Variants in ZMIZ1 observed in about 807,000 individuals in gnomAD.
ZMIZ1 encodes zinc finger MIZ domain-containing protein 1.
ZMIZ1 carries 17 observed loss-of-function variants against 113.9 expected under a neutral mutation model. The observed-to-expected ratio is 0.15, with a 90% CI of 0.10 to 0.22. The LOEUF (loss-of-function observed/expected upper bound fraction) is 0.22, where lower values mean the gene tolerates loss of function less well. Ranked by LOEUF, ZMIZ1 falls within the 10% of genes least tolerant of loss-of-function variation. ZMIZ1 has a pLI of 1.00. For missense variants in ZMIZ1, 1,059 were observed against 1,477.8 expected, an observed-to-expected ratio of 0.72 and a Z score of 4.65; for synonymous variants, 607 against 603.1, an observed-to-expected ratio of 1.01 and a Z score of -0.09.
At chr10:79,133,555 C>T (rs1844863738) in intron 2 of ZMIZ1, among the ~76,000 whole-genome samples, 2 of 152,208 alleles carry the variant, frequency 1.3e-5, no homozygotes, top group Non-Finnish European at 2.9e-5. Flanking sequence ...CCCAGCCCCT[C>T]ATACTGCCCT....
intron 7 of ZMIZ1, among the ~76,000 whole-genome samples, chr10:79,244,414 G>A (rs1850071352): frequency 6.6e-6 from 1 of 152,244 alleles, no homozygotes; most frequent in South Asian, 2.1e-4. Context: ...CTGGGGTCCT[G>A]AGCATGTGGT....
At chr10:79,179,348 T>G (rs1847011594) in intron 4 of ZMIZ1, among the ~76,000 whole-genome samples, 1 of 152,226 alleles carries the variant, frequency 6.6e-6, no homozygotes, top group African/African-American at 2.4e-5. Flanking sequence ...GCCACTCAGA[T>G]GGGACCTAGT....
chr10:79,128,612 A>G (rs1811107233), intron 2 of ZMIZ1, among the ~76,000 whole-genome samples: 1 of 132 alleles, frequency 7.6e-3, no homozygotes, highest in Non-Finnish European at 0.016. Flanking sequence ...AGACCCTGGA[A>G]CTCAATAAAT....
intron 6 of ZMIZ1, among the ~76,000 whole-genome samples, chr10:79,214,774 G>A (rs1848654931): frequency 6.6e-6 from 1 of 152,170 alleles, no homozygotes; most frequent in African/African-American, 2.4e-5. Flanking sequence ...AGCCACTCCA[G>A]CTGCTTTCTA....
At chr10:79,079,891 C>T (rs1564638464) in intron 1 of ZMIZ1, among the ~76,000 whole-genome samples, 1 of 152,346 alleles carries the variant, frequency 6.6e-6, no homozygotes, top group East Asian at 1.9e-4. Context: ...CTGCAGGCTG[C>T]ATTTTGTGGG....
At chr10:79,198,092 T>C (rs1438705285) in intron 4 of ZMIZ1, among the ~76,000 whole-genome samples, 1 of 152,090 alleles carries the variant, frequency 6.6e-6, no homozygotes, top group Non-Finnish European at 1.5e-5. Context: ...ACCCCATCTC[T>C]ACTAAAAATA....
chr10:79,138,085 C>G (rs1196464596), intron 2 of ZMIZ1, among the ~76,000 whole-genome samples: 1 of 152,216 alleles, frequency 6.6e-6, no homozygotes, highest in Non-Finnish European at 1.5e-5. Context: ...GGCACTGGGC[C>G]AGGGGCCCAG....
At chr10:79,121,442 T>C (rs1240346805) in intron 2 of ZMIZ1, among the ~76,000 whole-genome samples, 3 of 152,244 alleles carry the variant, frequency 2.0e-5, no homozygotes, top group Non-Finnish European at 4.4e-5. Flanking sequence ...TTCCCAGGCA[T>C]ACCTGCCATT....
chr10:79,216,084 C>A (rs1394273013), intron 6 of ZMIZ1, 85 bp from the exon 7 acceptor site: 2 of 976,944 alleles, frequency 2.0e-6, no homozygotes, highest in East Asian at 3.2e-5. Flanking sequence ...AGCTTGCCCA[C>A]CTCACCCACT....
chr10:79,293,988 A>C, intron 12 of ZMIZ1: 1 of 410,618 alleles, frequency 2.4e-6, no homozygotes, highest in Non-Finnish European at 4.6e-6. Context: ...TCAGCCACTA[A>C]CTGGGTGACC....
intron 7 of ZMIZ1, among the ~76,000 whole-genome samples, chr10:79,234,436 G>T (rs1381949085): frequency 1.3e-5 from 2 of 152,142 alleles, no homozygotes; most frequent in East Asian, 1.9e-4. Context: ...CTTAACTTTG[G>T]ATTTCATTCT....
chr10:79,112,146 G>A (rs749980537), intron 1 of ZMIZ1, among the ~76,000 whole-genome samples: 14 of 152,224 alleles, frequency 9.2e-5, no homozygotes, highest in African/African-American at 2.4e-4. Context: ...GCAGTGGGAC[G>A]TGCTGGCAGT....
chr10:79,119,979 G>T (rs1039320536), intron 2 of ZMIZ1, among the ~76,000 whole-genome samples: 1 of 121,006 alleles, frequency 8.3e-6, no homozygotes, highest in African/African-American at 2.9e-5. Context: ...TCTCTGCTCC[G>T]TGGAGAAACA....
chr10:79,221,361 G>A (rs1272174795), intron 7 of ZMIZ1, among the ~76,000 whole-genome samples: 2 of 152,216 alleles, frequency 1.3e-5, no homozygotes, highest in Non-Finnish European at 2.9e-5. Context: ...GCGGCTCCAC[G>A]CGGCCCTGGA....
At chr10:79,279,337 G>A (rs888357974) in intron 8 of ZMIZ1, among the ~76,000 whole-genome samples, 87 of 151,988 alleles carry the variant, frequency 5.7e-4, no homozygotes, top group Non-Finnish European at 9.1e-4. Flanking sequence ...GGTCGCGGCC[G>A]GGCAGAGGTG....
intron 7 of ZMIZ1, among the ~76,000 whole-genome samples, chr10:79,237,831 G>A (rs986614783): frequency 1.5e-4 from 23 of 152,294 alleles, no homozygotes; most frequent in Non-Finnish European, 3.4e-4. Context: ...CTAGGACCTG[G>A]TGTTAGGTGG....
At chr10:79,197,274 G>T (rs1215272189) in intron 4 of ZMIZ1, among the ~76,000 whole-genome samples, 1 of 152,196 alleles carries the variant, frequency 6.6e-6, no homozygotes, top group Admixed American at 6.5e-5. Context: ...ATGCCCCCAC[G>T]TGGGACCCAG....
intron 1 of ZMIZ1, among the ~76,000 whole-genome samples, chr10:79,115,059 G>A (rs1247321366): frequency 6.6e-6 from 1 of 152,264 alleles, no homozygotes; most frequent in Non-Finnish European, 1.5e-5. Context: ...AATCAGCCCA[G>A]GTGATTCTTA....
chr10:79,156,557 C>T (rs1483746973), intron 3 of ZMIZ1, among the ~76,000 whole-genome samples: 2 of 152,140 alleles, frequency 1.3e-5, no homozygotes, highest in Non-Finnish European at 2.9e-5. Flanking sequence ...GTGAGGGAGC[C>T]GAGGGGCATG....
Sources: allele counts gnomAD v4.1 joint callset (sites outside exome capture counted in the v4.1 genomes callset), GRCh38; gene constraint gnomAD v4.1.1; transcripts MANE v1.5; gene names NCBI Gene and HGNC (gene_info 2026-07-23, HGNC 2026-07-21).